TMEM181: variants seen among roughly 807,000 people sequenced by gnomAD.
The protein encoded by TMEM181 is transmembrane protein 181.
TMEM181 carries 39 observed loss-of-function variants against 71.9 expected under a neutral mutation model. The ratio of observed to expected loss-of-function variants is 0.54; its 90% CI spans 0.42 to 0.71. The LOEUF is 0.71. TMEM181 is among the 30% of genes least tolerant of loss of function. The probability of loss-of-function intolerance (pLI) is 0.00; values close to 1 mark genes in which losing one functional copy is unlikely to be tolerated. For synonymous variants in TMEM181, 245 were observed against 228.8 expected, an observed-to-expected ratio of 1.07 and a Z score of -0.64; for missense variants, 595 against 583.0, an observed-to-expected ratio of 1.02 and a Z score of -0.21.
chr6:158,604,689 C>T (rs1178268539), intron 6 of TMEM181, among the ~76,000 whole-genome samples: 4 of 152,190 alleles, frequency 2.6e-5, no homozygotes, highest in Admixed American at 6.5e-5. Context: ...TTTGTAACAA[C>T]ATTCTAGTTG....
At chr6:158,608,244 AGGTGCTGACCCCGCAGAGGTATGGGGTG>A in intron 8 of TMEM181, 61 bp from the exon 9 acceptor site, 1 of 1,493,700 alleles carries the variant, frequency 6.7e-7, no homozygotes, top group Non-Finnish European at 9.1e-7. Flanking sequence ...GCTCTCTGCT[AGGTGCTGACCCCGCAGAGGTATGGGGTG>A]CTGTCTGCCA....
At chr6:158,614,483 A>ATT (rs397786493) in intron 10 of TMEM181, among the ~76,000 whole-genome samples, 23,394 of 148,234 alleles carry the variant, frequency 0.16, 2,175 homozygotes, top group African/African-American at 0.27. Context: ...ATCCTATTTA[A>ATT]AAAAAATTTT....
chr6:158,563,742 C>A (rs952307651), intron 1 of TMEM181, among the ~76,000 whole-genome samples: 1 of 152,230 alleles, frequency 6.6e-6, no homozygotes, highest in Non-Finnish European at 1.5e-5. Flanking sequence ...CCTTGGGTAG[C>A]TTAGACCATT....
intron 6 of TMEM181, among the ~76,000 whole-genome samples, chr6:158,590,681 C>G (rs9347242): frequency 0.54 from 82,847 of 152,110 alleles, 24,256 homozygotes; most frequent in African/African-American, 0.76. Flanking sequence ...CCAGGATGGT[C>G]TTGATCTCCT....
chr6:158,602,098 C>T (rs1028111134), intron 6 of TMEM181, among the ~76,000 whole-genome samples: 1 of 152,216 alleles, frequency 6.6e-6, no homozygotes, highest in Admixed American at 6.5e-5. Flanking sequence ...TGTCCTTTCC[C>T]ATCCCTGGGA....
At chr6:158,541,725 C>G (rs1781354569) in intron 1 of TMEM181, among the ~76,000 whole-genome samples, 1 of 152,134 alleles carries the variant, frequency 6.6e-6, no homozygotes, top group African/African-American at 2.4e-5. Context: ...ACGTTATTTC[C>G]TGACGCATCT....
chr6:158,605,962 G>A (rs1027442414), intron 7 of TMEM181, among the ~76,000 whole-genome samples: 1 of 152,226 alleles, frequency 6.6e-6, no homozygotes, highest in Admixed American at 6.5e-5. Flanking sequence ...CGCCCGAAGT[G>A]TGGCGTTCTG....
chr6:158,597,506 C>T (rs1244740088), intron 6 of TMEM181, among the ~76,000 whole-genome samples: 2 of 151,676 alleles, frequency 1.3e-5, no homozygotes, highest in Non-Finnish European at 1.5e-5. Context: ...CCTCAGCTAG[C>T]CCCCCCTTTT....
intron 1 of TMEM181, chr6:158,536,975 C>G: frequency 3.7e-6 from 3 of 806,760 alleles, no homozygotes; most frequent in Non-Finnish European, 4.6e-6. Context: ...CGGCCGCCTC[C>G]GCCGGCCGGG....
chr6:158,623,856 GT>G (rs1474887394), intron 11 of TMEM181, among the ~76,000 whole-genome samples: 3 of 151,926 alleles, frequency 2.0e-5, no homozygotes, highest in Non-Finnish European at 4.4e-5. Context: ...CGCCTCCTGG[GT>G]TCAAGTGGTT....
exon 1 of TMEM181, chr6:158,536,730 G>T (rs767353947): frequency 3.1e-5 from 48 of 1,570,612 alleles, no homozygotes; most frequent in South Asian, 2.4e-4. Context: ...GGGAGGCTGC[G>T]CGGCATGGAC....
rs1379681943 is a variant in TMEM181 at position 158,632,699 on chromosome 6, T to C, written c.*811T>C. The C allele has an allele frequency of 6.6e-6, 1 of 152,284 alleles. No individual in the cohort carries two copies. Among genetic ancestry groups the C allele is most frequent in the Non-Finnish European group, 1.5e-5 (1 of 68,068 alleles). 9.4% of individuals were successfully genotyped at this position (152,284 alleles called of 1,614,324 possible). ...ATGGGCAGGAGAGGAACCCTTACCA[T>C]TCCAGTAAATAGCAGTTTCTGCAAT... On this transcript the variant is annotated 3_prime_UTR_variant, in exon 17 of 17. Transcript: ENST00000684151.
chr6:158,551,391 G>A (rs1024746330), intron 1 of TMEM181, among the ~76,000 whole-genome samples: 2 of 151,816 alleles, frequency 1.3e-5, no homozygotes, highest in African/African-American at 2.4e-5. Flanking sequence ...TACTAGAAAT[G>A]TGTTCAAGAG....
intron 6 of TMEM181, among the ~76,000 whole-genome samples, chr6:158,593,860 C>T (rs959012874): frequency 9.2e-5 from 14 of 152,108 alleles, no homozygotes; most frequent in African/African-American, 3.4e-4. Context: ...TTGTCAGCAT[C>T]TCGCACCAAA....
intron 2 of TMEM181, among the ~76,000 whole-genome samples, chr6:158,575,852 CCTT>C (rs1430778472): frequency 1.3e-5 from 2 of 152,206 alleles, no homozygotes; most frequent in Non-Finnish European, 2.9e-5. Context: ...GGCAGACAAT[CCTT>C]CTGGGCATGG....
In TMEM181 at chr6:158,625,461, A is replaced by C. The variant is rs932056168; in HGVS notation, c.1058-242A>C. Among the ~76,000 whole-genome samples, 3 of 152,124 alleles carry C rather than the reference A, an allele frequency of 2.0e-5. No homozygotes were observed. The South Asian group carries it at 6.2e-4, about 32-fold the overall frequency. On this transcript the variant is annotated intron_variant, in intron 12 of 16. Coordinates refer to ENST00000684151, the MANE Select transcript of TMEM181 (RefSeq NM_001376852.1). ...CTGCAGAGCAGGGCGAGTCACCCTG[A>C]GCTTGCGGGATCCTTTCCTGAATCT...
rs138031750 is a variant in TMEM181, at chr6:158,549,637, A to T, written c.131+12772A>T. ...CAGTGGGAATAGGCATTCCACAGTAAGCTCTGTGCGTAGTCAGGGCGGTAA... is the reference window on the plus strand; with the variant it reads ...CAGTGGGAATAGGCATTCCACAGTATGCTCTGTGCGTAGTCAGGGCGGTAA... On this transcript the variant is annotated intron_variant, in intron 1 of 16. Coordinates refer to the TMEM181 transcript ENST00000367090. 4.2e-3 allele frequency among the ~76,000 whole-genome samples: 637 copies of T among 152,344 alleles called. 6 individuals are homozygous for T. Among genetic ancestry groups the T allele is most frequent in the African/African-American group, 0.014 (602 of 41,576 alleles).
intron 10 of TMEM181, chr6:158,621,468 G>T (rs1785950345): frequency 9.1e-6 from 2 of 220,008 alleles, no homozygotes; most frequent in South Asian, 9.1e-5. Flanking sequence ...CCTCTTCCTG[G>T]GTTTTCAGGC....
chr6:158,574,549 TC>T (rs1387186632), intron 2 of TMEM181, among the ~76,000 whole-genome samples: 2 of 152,222 alleles, frequency 1.3e-5, no homozygotes, highest in East Asian at 3.8e-4. Context: ...AAGCCACTCT[TC>T]TGTCTCAAAC....
Sources: gnomAD v4.1 joint callset for allele counts (sites outside exome capture counted in the v4.1 genomes callset) on GRCh38, gnomAD v4.1.1 for gene constraint, MANE v1.5 for transcripts, NCBI Gene and HGNC (gene_info 2026-07-23, HGNC 2026-07-21) for gene names.